Variants in YRDC observed in about 807,000 individuals in gnomAD.
YRDC encodes the protein yrdC N6-threonylcarbamoyltransferase domain containing.
Under a neutral mutation model 21.5 loss-of-function variants are expected in YRDC, and 17 were observed. That is an observed-to-expected ratio of 0.79 (90% confidence interval 0.54 to 1.19). YRDC has a LOEUF of 1.19. Ranked by LOEUF, YRDC falls within the 50% of genes most tolerant of loss-of-function variation. The pLI, the probability that YRDC is intolerant of heterozygous loss-of-function variation, is 0.00. For synonymous variants in YRDC, 193 were observed against 176.7 expected (o/e 1.09, Z -0.73); for missense variants, 380 against 397.1 (o/e 0.96, Z 0.37).
rs1199596033 is a variant in YRDC, at chr1:37,803,626, A to G, written c.*299T>C. Reference sequence around the variant, plus strand: ...TGTTATTTAATTACTTTTCAATTGAAAAACAAAACAGACAGAAGAAACTTA... The same window carrying G: ...TGTTATTTAATTACTTTTCAATTGAGAAACAAAACAGACAGAAGAAACTTA... On this transcript the variant is annotated 3_prime_UTR_variant, in exon 5 of 5. Coordinates refer to ENST00000373044, the MANE Select transcript of YRDC (RefSeq NM_024640.4). 5.9e-6 allele frequency: 2 copies of G among 337,808 alleles called. No individual in the cohort carries two copies. The highest frequency in any genetic ancestry group is 5.4e-6 in the Non-Finnish European group (1 of 185,708). The allele number at this position is 337,808 out of a possible 1,614,324, so 20.9% of individuals were successfully genotyped here.
chr1:37,807,584 C>T (rs1263883362), intron 1 of YRDC: 28 of 1,015,138 alleles, frequency 2.8e-5, no homozygotes, highest in Non-Finnish European at 3.4e-5. Context: ...AACAGGGTCC[C>T]TGCCTTTCTC....
chr1:37,806,177 A>C (rs745531979), intron 3 of YRDC, among the ~76,000 whole-genome samples: 3 of 151,654 alleles, frequency 2.0e-5, no homozygotes, highest in Non-Finnish European at 4.4e-5. Context: ...CAAGTGATTT[A>C]ACTTTCTGGA....
chr1:37,806,180 T>C (rs1221412591), intron 3 of YRDC, among the ~76,000 whole-genome samples: 2 of 151,550 alleles, frequency 1.3e-5, no homozygotes, highest in Non-Finnish European at 2.9e-5. Flanking sequence ...GTGATTTAAC[T>C]TTCTGGAGGC....
At chr1:37,806,110 G>C (rs1214606089) in intron 3 of YRDC, among the ~76,000 whole-genome samples, 1 of 152,100 alleles carries the variant, frequency 6.6e-6, no homozygotes, top group East Asian at 1.9e-4. Context: ...ACAGGGGCGA[G>C]AATCAAAAAC....
intron 1 of YRDC, 157 bp downstream of exon 1, chr1:37,807,635 G>T: frequency 7.7e-7 from 1 of 1,298,830 alleles, no homozygotes; most frequent in South Asian, 1.8e-5. Context: ...TCAGGGCCCG[G>T]GGCACGTTAA....
chr1:37,806,679 T>A (rs1055465018), intron 3 of YRDC, among the ~76,000 whole-genome samples, 178 bp downstream of exon 3: 1 of 152,178 alleles, frequency 6.6e-6, no homozygotes, highest in African/African-American at 2.4e-5. Flanking sequence ...ATAAAATCTT[T>A]CAAATTTTTT....
chr1:37,805,658 G>C (rs1245463046), intron 3 of YRDC, among the ~76,000 whole-genome samples: 2 of 152,124 alleles, frequency 1.3e-5, no homozygotes, highest in African/African-American at 4.8e-5. Context: ...CTTGCTCCTG[G>C]GGTACAGCCA....
Position 37,804,333 on chromosome 1 carries a change from GCA to G in YRDC, c.734_735del (p.Val245AlafsTer73). ...RLGSTVVDLSVPGKFGIIRPG... is the reference protein window; with the variant it reads ...RLGSTVVDLSXPGKFGIIRPG... ...GGACGAATGATGCCAAACTTTCCGG[GCA>G]CAGACAAATCAACCACAGTTGAGCC... On this transcript the variant is annotated frameshift_variant, in exon 4 of 5. Transcript: ENST00000373044. LOFTEE classifies it high-confidence loss of function. The G allele has an allele frequency of 6.2e-7, 1 of 1,614,046 alleles. No individual in the cohort carries two copies. The highest frequency in any genetic ancestry group is 1.1e-5 in the South Asian group (1 of 91,076).
At chr1:37,807,557 C>T in intron 1 of YRDC, 1 of 829,584 alleles carries the variant, frequency 1.2e-6, no homozygotes, top group Non-Finnish European at 1.8e-6. Flanking sequence ...CCCCAATTAG[C>T]ACAAATACGC....
chr1:37,804,269 A>T, intron 4 of YRDC, 33 bp downstream of exon 4: 1 of 1,597,318 alleles, frequency 6.3e-7, no homozygotes, highest in Non-Finnish European at 8.6e-7. Flanking sequence ...CCTCCCTCAA[A>T]TTATTTCCCC....
In YRDC at chr1:37,804,308, G is replaced by C. The variant is rs758245677; in HGVS notation, c.761C>G (p.Pro254Arg). 1.2e-5 allele frequency: 19 copies of C among 1,613,546 alleles called. No individual in the cohort carries two copies. Among genetic ancestry groups the C allele is most frequent in the Non-Finnish European group, 1.4e-5 (17 of 1,179,546 alleles). Reference sequence around the variant, plus strand: ...CCACAGGAAAGAGACTTACCAGCCTGGACGAATGATGCCAAACTTTCCGGG... The same window carrying C: ...CCACAGGAAAGAGACTTACCAGCCTCGACGAATGATGCCAAACTTTCCGGG... ...SVPGKFGIIRPGCALESTTAI... is the reference protein window; with the variant it reads ...SVPGKFGIIRRGCALESTTAI... The change falls in exon 4 of 5, where the codon CCA becomes CGA. Residue 254 changes from proline (P) to arginine (R), a missense_variant. Pro to Arg is a moderately radical substitution (Grantham distance 103). Around this residue, in one of 3 missense-constraint regions of YRDC, gnomAD observed 238 missense variants for 236.5 expected, o/e 1.01. Coordinates refer to ENST00000373044, the MANE Select transcript of YRDC (RefSeq NM_024640.4).
At position 37,803,957 on chromosome 1, in the gene YRDC, CGTACTTCT is replaced by C; in HGVS notation, c.800_807del (p.Gln267ArgfsTer49). 6.2e-7 allele frequency: 1 copy of C among 1,614,106 alleles called. No individual in the cohort carries two copies. Among genetic ancestry groups the C allele is most frequent in the Non-Finnish European group, 8.5e-7 (1 of 1,180,012 alleles). On this transcript the variant is annotated frameshift_variant, in exon 5 of 5. Coordinates refer to ENST00000373044, the MANE Select transcript of YRDC (RefSeq NM_024640.4). LOFTEE classifies it high-confidence loss of function. ...TAGGACGCATGTGAGGGGAGCAGTCCGTACTTCTGTTGGAGGATGGCTGTAGTACTTTC... is the reference window on the plus strand; with the variant it reads ...TAGGACGCATGTGAGGGGAGCAGTCCGTTGGAGGATGGCTGTAGTACTTTC...
chr1:37,806,795 G>GTGA, intron 3 of YRDC, 62 bp downstream of exon 3: 3 of 1,609,666 alleles, frequency 1.9e-6, no homozygotes, highest in Non-Finnish European at 1.7e-6. Context: ...CAATGCCACT[G>GTGA]ATTCACAGAA....
At chr1:37,807,423 G>A (rs1413849022) in intron 1 of YRDC, 4 of 613,850 alleles carry the variant, frequency 6.5e-6, no homozygotes, top group Non-Finnish European at 1.1e-5. Context: ...CTGGTCTCAG[G>A]GACTACAACA....
chr1:37,806,568 T>C (rs1280440559), intron 3 of YRDC, among the ~76,000 whole-genome samples: 2 of 152,248 alleles, frequency 1.3e-5, no homozygotes, highest in African/African-American at 4.8e-5. Context: ...CAGAAACTGT[T>C]ATCTCCAGAA....
rs1227350467 is a variant in YRDC, at chr1:37,803,012, ATTATGT to A, written c.*907_*912del. ...AACAAAGTTCAAATGCCCAATAATA[ATTATGT>A]TTAACACTTGGTACACATATAAATA... On this transcript the variant is annotated 3_prime_UTR_variant, in exon 5 of 5. Transcript: ENST00000373044. The A allele has an allele frequency of 1.3e-5, 2 of 152,232 alleles. No homozygotes were observed. The highest frequency in any genetic ancestry group is 1.3e-4 in the Admixed American group (2 of 15,286). The allele number at this position is 152,232 out of a possible 1,614,324, so 9.4% of individuals were successfully genotyped here.
intron 3 of YRDC, 79 bp downstream of exon 3, chr1:37,806,778 G>A: frequency 6.2e-7 from 1 of 1,600,532 alleles, no homozygotes; most frequent in Non-Finnish European, 8.5e-7. Context: ...CCATCCCAGT[G>A]TACTATCAAT....
intron 2 of YRDC, 57 bp downstream of exon 2, chr1:37,807,044 T>A (rs1646742845): frequency 4.3e-6 from 7 of 1,613,760 alleles, no homozygotes; most frequent in Admixed American, 1.7e-5. Flanking sequence ...CTTATCTGGA[T>A]CCTAGTGAAA....
chr1:37,807,128 G>A lies in YRDC; in HGVS notation c.477C>T (p.Leu159=), dbSNP rs761291774. 2 of 1,614,158 alleles carry A rather than the reference G, an allele frequency of 1.2e-6. No homozygotes were observed. Among genetic ancestry groups the A allele is most frequent in the Admixed American group, 3.3e-5 (2 of 60,030 alleles). The change falls in exon 2 of 5, where the codon CTC becomes CTT. Residue 159 remains leucine (L), a synonymous_variant. Transcript: ENST00000373044. ...VTLVMERSEE[L]NKDLNPFTPL... ...GCGTAAAAGGGTTTAGGTCCTTGTT[G>A]AGCTCCTCCGAGCGTTCCATCACCA...
Sources: allele counts gnomAD v4.1 joint callset (sites outside exome capture counted in the v4.1 genomes callset), GRCh38; gene constraint gnomAD v4.1.1; regional missense constraint gnomAD v4.1.1; transcripts MANE v1.5; gene names NCBI Gene and HGNC (gene_info 2026-07-23, HGNC 2026-07-21).